Variants in PTPRG observed in about 807,000 individuals in gnomAD.
PTPRG encodes protein tyrosine phosphatase receptor type G.
Under a neutral mutation model 165.3 loss-of-function variants are expected in PTPRG, and 102 were observed. The ratio of observed to expected loss-of-function variants is 0.62; its 90% CI spans 0.53 to 0.73. The LOEUF is 0.73. Ranked by LOEUF, PTPRG falls within the 30% of genes least tolerant of loss-of-function variation. The pLI is 0.00. For synonymous variants in PTPRG, 675 were observed against 669.5 expected (o/e 1.01, Z -0.13); for missense variants, 1,866 against 1,861.4 (o/e 1.00, Z -0.05).
At chr3:61,964,962 G>A (rs779730217) in intron 2 of PTPRG, among the ~76,000 whole-genome samples, 3 of 152,136 alleles carry the variant, frequency 2.0e-5, no homozygotes, top group African/African-American at 7.2e-5. Flanking sequence ...AGAATCCGGG[G>A]CCGGGTGCAG....
chr3:61,991,088 T>A (rs2040876586), intron 3 of PTPRG, among the ~76,000 whole-genome samples: 1 of 152,202 alleles, frequency 6.6e-6, no homozygotes, highest in Non-Finnish European at 1.5e-5. Flanking sequence ...TTTTTTATAA[T>A]GCCCCCAGAA....
rs75010726 is a variant in PTPRG, at chr3:61,862,822, A to G, written c.190+113840A>G. Among the ~76,000 whole-genome samples the G allele has an allele frequency of 1.2e-3, 178 of 152,250 alleles. 1 individual carries two copies. The highest frequency in any genetic ancestry group is 2.0e-3 in the Non-Finnish European group (138 of 68,008). On this transcript the variant is annotated intron_variant, in intron 2 of 29. Coordinates refer to ENST00000474889, the MANE Select transcript of PTPRG (RefSeq NM_002841.4). ...CTCTTGTTTTCTTAGTGTCTGTCTG[A>G]TGTCAGCCTACTTAGTATATCTGCA...
At chr3:61,755,308 C>G (rs13079738) in intron 2 of PTPRG, among the ~76,000 whole-genome samples, 56 of 152,252 alleles carry the variant, frequency 3.7e-4, no homozygotes, top group Non-Finnish European at 5.9e-5. Flanking sequence ...GCGCCCAGCC[C>G]TAATAGAGAC....
chr3:61,672,393 A>G (rs1185296934), intron 1 of PTPRG, among the ~76,000 whole-genome samples: 2 of 137,858 alleles, frequency 1.5e-5, no homozygotes, highest in Non-Finnish European at 3.1e-5. Context: ...GGTTGTAGCG[A>G]GCCGAGATCA....
intron 1 of PTPRG, among the ~76,000 whole-genome samples, chr3:61,578,340 T>A (rs919355649): frequency 6.6e-5 from 10 of 152,216 alleles, no homozygotes; most frequent in African/African-American, 2.4e-4. Context: ...CAGCCCCTGG[T>A]GCCTGATGAA....
At chr3:61,622,675 A>G (rs936941806) in intron 1 of PTPRG, among the ~76,000 whole-genome samples, 3 of 152,174 alleles carry the variant, frequency 2.0e-5, no homozygotes, top group African/African-American at 7.2e-5. Flanking sequence ...AACAAGGTAA[A>G]ACTTTTCGTG....
At position 62,213,862 on chromosome 3, in the gene PTPRG, C is replaced by G. The variant is rs1429409627; in HGVS notation, c.2156-4989C>G. On this transcript the variant is annotated intron_variant, in intron 12 of 29. Transcript: ENST00000474889. This position sits in a 1 kb window ranked among gnomAD's most constrained non-coding sequence, Gnocchi z 4.4. ...GTTTTATTAGGGCCACAAATTGAGT[C>G]AGGGAGCAGGACGGGTATTTCTTCT... Among the ~76,000 whole-genome samples the G allele has an allele frequency of 6.6e-6, 1 of 152,110 alleles. No individual in the cohort carries two copies. Among genetic ancestry groups the G allele is most frequent in the African/African-American group, 2.4e-5 (1 of 41,414 alleles).
intron 2 of PTPRG, among the ~76,000 whole-genome samples, chr3:61,837,979 G>C (rs1718705): frequency 0.4 from 60,833 of 151,944 alleles, 13,203 homozygotes; most frequent in East Asian, 0.67. Flanking sequence ...TCAGGCCCCC[G>C]ACACTTTTGC....
chr3:62,178,136 AGGATGGAT>A (rs66547961), intron 8 of PTPRG, among the ~76,000 whole-genome samples: 3,955 of 141,600 alleles, frequency 0.028, 76 homozygotes, highest in African/African-American at 0.039. Context: ...AATGGATGGG[AGGATGGAT>A]GGATGGATGG....
At chr3:61,776,440 C>G (rs949833132) in intron 2 of PTPRG, among the ~76,000 whole-genome samples, 2 of 152,102 alleles carry the variant, frequency 1.3e-5, no homozygotes, top group Admixed American at 6.6e-5. Flanking sequence ...CTTTGAAATC[C>G]CAGGTGTCAC....
intron 2 of PTPRG, among the ~76,000 whole-genome samples, chr3:61,923,371 C>T (rs535733174): frequency 1.3e-5 from 2 of 152,048 alleles, no homozygotes; most frequent in Non-Finnish European, 2.9e-5. Flanking sequence ...AAATCGCCAG[C>T]GTTTTCCCAA....
intron 2 of PTPRG, chr3:61,925,799 C>T (rs532108073): frequency 4.5e-6 from 2 of 447,688 alleles, no homozygotes; most frequent in African/African-American, 4.0e-5. Context: ...ACCTATACGC[C>T]AGTGTTCACC....
At chr3:61,891,248 G>A (rs966393136) in intron 2 of PTPRG, among the ~76,000 whole-genome samples, 6 of 151,986 alleles carry the variant, frequency 3.9e-5, no homozygotes, top group African/African-American at 9.7e-5. Flanking sequence ...AATCAGGGAG[G>A]CGTACCATTG....
At chr3:62,270,682 A>G (rs1225443789) in intron 20 of PTPRG, among the ~76,000 whole-genome samples, 2 of 152,210 alleles carry the variant, frequency 1.3e-5, no homozygotes, top group African/African-American at 4.8e-5. Context: ...ACACACTTCA[A>G]GCTTCAGTGT....
At chr3:61,717,091 TTTAA>T (rs1335502019) in intron 1 of PTPRG, among the ~76,000 whole-genome samples, 1 of 152,248 alleles carries the variant, frequency 6.6e-6, no homozygotes, top group Admixed American at 6.5e-5. Context: ...GATGCTCTTG[TTTAA>T]TTGTTATATA....
chr3:62,147,951 C>G (rs979487923), intron 6 of PTPRG, among the ~76,000 whole-genome samples: 2 of 152,074 alleles, frequency 1.3e-5, no homozygotes, highest in African/African-American at 4.8e-5. Flanking sequence ...CAAGACCAGC[C>G]TGGCTAACAT....
At chr3:61,841,131 C>T (rs2036620107) in intron 2 of PTPRG, among the ~76,000 whole-genome samples, 1 of 152,190 alleles carries the variant, frequency 6.6e-6, no homozygotes, top group East Asian at 1.9e-4. Flanking sequence ...GATTATCTTA[C>T]CAACTTTAAC....
At chr3:61,692,834 CAG>C (rs1421016132) in intron 1 of PTPRG, among the ~76,000 whole-genome samples, 3 of 152,072 alleles carry the variant, frequency 2.0e-5, no homozygotes, top group East Asian at 1.9e-4. Flanking sequence ...GTGCAGGTCA[CAG>C]GGGATATGAT....
At chr3:61,830,794 G>C (rs551555333) in intron 2 of PTPRG, among the ~76,000 whole-genome samples, 1 of 152,038 alleles carries the variant, frequency 6.6e-6, no homozygotes, top group Admixed American at 6.5e-5. Context: ...GGCTGGTCTC[G>C]AACTCCCGAC....
Sources: gnomAD v4.1 joint callset for allele counts (sites outside exome capture counted in the v4.1 genomes callset) on GRCh38, gnomAD v4.1.1 for gene constraint, Gnocchi (gnomAD v3.1) non-coding constraint, MANE v1.5 for transcripts, NCBI Gene and HGNC (gene_info 2026-07-23, HGNC 2026-07-21) for gene names.